The following PDE4A variants were observed in gnomAD, a reference collection of about 807,000 sequenced individuals.
PDE4A encodes 3',5'-cyclic-AMP phosphodiesterase 4A.
In PDE4A, 21 loss-of-function variants were observed where a neutral mutation model predicts 73.9. That is an observed-to-expected ratio of 0.28 (90% CI 0.20 to 0.41). The LOEUF (loss-of-function observed/expected upper bound fraction) is 0.41, where lower values mean the gene tolerates loss of function less well. PDE4A is among the 10% of genes least tolerant of loss of function. PDE4A has a pLI of 1.00. For missense variants in PDE4A, 958 were observed against 1,211.4 expected, an observed-to-expected ratio of 0.79 and a Z score of 3.10; for synonymous variants, 463 against 505.4, an observed-to-expected ratio of 0.92 and a Z score of 1.13.
chr19:10,420,454 C>A, upstream of PDE4A: 1 of 175,250 alleles, frequency 5.7e-6, no homozygotes, highest in Non-Finnish European at 8.0e-6. This position sits in a 1 kb window ranked among gnomAD's most constrained non-coding sequence, Gnocchi z 6.0. Flanking sequence ...CCGCGGCGGG[C>A]GGGGGGCGGG....
At chr19:10,466,615 C>T (rs942248137) in intron 14 of PDE4A, among the ~76,000 whole-genome samples, 1 of 151,842 alleles carries the variant, frequency 6.6e-6, no homozygotes, top group Non-Finnish European at 1.5e-5. Context: ...CTGTCTCAGC[C>T]TCCCAAGTAG....
Position 10,463,938 on chromosome 19 carries a change from T to C in PDE4A, c.1889T>C (p.Met630Thr), listed in dbSNP as rs1300151585. ...GAGCGTGGCATGGAAATCAGCCCCATGTGTGACAAGCACACTGCCTCCGTG... is the reference window on the plus strand; with the variant it reads ...GAGCGTGGCATGGAAATCAGCCCCACGTGTGACAAGCACACTGCCTCCGTG... ...ERERGMEISP[M>T]CDKHTASVEK... is the part of the protein sequence containing the mutation. The change falls in exon 14 of 15, where the codon ATG becomes ACG. Residue 630 changes from methionine (M) to threonine (T), a missense_variant. Transcript: ENST00000380702. 6.2e-7 allele frequency: 1 copy of C among 1,614,054 alleles called. No homozygotes were observed.
rs1460214233 is a variant in PDE4A, at chr19:10,469,400, C to G, written c.*1779C>G. ...TCACCGCTGTTGTTTTATGGGAAGT[C>G]GTGTCATCCTAGGGGTTGGGGCTGG... On this transcript the variant is annotated 3_prime_UTR_variant, in exon 15 of 15. Transcript: ENST00000380702. The G allele has an allele frequency of 1.3e-5, 2 of 152,258 alleles. No individual in the cohort carries two copies. Among genetic ancestry groups the G allele is most frequent in the Non-Finnish European group, 2.9e-5 (2 of 68,082 alleles). 9.4% of individuals were successfully genotyped at this position (152,258 alleles called of 1,614,324 possible). A position where few individuals can be genotyped will look rare whatever the true frequency, so the allele number is the denominator to read the frequency against.
rs545207308 is a variant in PDE4A at position 10,446,243 on chromosome 19, C to T, written c.346C>T (p.Pro116Ser). Residue 116 changes from proline to serine, a missense_variant, in exon 2 of 15, where the codon CCA (proline) becomes TCA (serine). Around this residue, in one of 3 missense-constraint regions of PDE4A, gnomAD observed 570 missense variants for 827.7 expected, o/e 0.69. Coordinates refer to ENST00000380702, the MANE Select transcript of PDE4A (RefSeq NM_001111307.2). ...CTTCGAGGCAGAGAATGGGCCGACA[C>T]CATCTCCTGGCCGCAGCCCCCTGGA... ...RRFEAENGPT[P>S]SPGRSPLDSQ... 6.3e-7 allele frequency: 1 copy of T among 1,586,954 alleles called. No homozygotes were observed. The highest frequency in any genetic ancestry group is 8.6e-7 in the Non-Finnish European group (1 of 1,167,154).
chr19:10,466,481 T>A (rs2043374040), intron 14 of PDE4A, among the ~76,000 whole-genome samples: 1 of 140,112 alleles, frequency 7.1e-6, no homozygotes, highest in African/African-American at 2.7e-5. Flanking sequence ...GTGTGTAAAC[T>A]GCATCAATGT....
At chr19:10,450,534 A>T in intron 4 of PDE4A, 69 bp from the exon 5 acceptor site, 2 of 1,527,886 alleles carry the variant, frequency 1.3e-6, no homozygotes, top group Non-Finnish European at 1.8e-6. Flanking sequence ...CTGTTCATGA[A>T]AGCGGGAGGC....
intron 1 of PDE4A, among the ~76,000 whole-genome samples, chr19:10,440,313 CTGA>C (rs1172711124): frequency 5.9e-5 from 9 of 151,962 alleles, no homozygotes. Context: ...TTGCGTTTCC[CTGA>C]TGAGTGATGT....
intron 10 of PDE4A, among the ~76,000 whole-genome samples, chr19:10,460,510 A>G (rs1426404412): frequency 6.6e-6 from 1 of 151,550 alleles, no homozygotes. Flanking sequence ...AAAAAAATAA[A>G]ATAAAAATTG....
At chr19:10,416,843 C>CT, upstream of PDE4A, 1 of 1,533,002 alleles carries the variant, frequency 6.5e-7, no homozygotes. Flanking sequence ...AGGGGGAGCC[C>CT]TGGGGCACTG....
chr19:10,441,681 G>GTTTT (rs1200442230), intron 1 of PDE4A, among the ~76,000 whole-genome samples: 45 of 131,780 alleles, frequency 3.4e-4, no homozygotes, highest in East Asian at 2.3e-3. Flanking sequence ...GTCATTTTGA[G>GTTTT]TTATTTTTTT....
chr19:10,461,672 A>G lies in PDE4A; in HGVS notation c.1612A>G (p.Ile538Val). The change falls in exon 12 of 15, where the codon ATC becomes GTC. Residue 538 changes from isoleucine (I) to valine (V), a missense_variant. Ile to Val is a conservative substitution (Grantham distance 29). This residue lies in a region of PDE4A where 570 missense variants were observed against 827.7 expected (regional missense o/e 0.69). Coordinates refer to ENST00000380702, the MANE Select transcript of PDE4A (RefSeq NM_001111307.2). ...GCGGCAGAGCCTACGCAAGATGGTC[A>G]TCGACATGGTGGGCGGGGCTGGGGC... ...RQRQSLRKMV[I>V]DMVLATDMSK... 7.2e-7 allele frequency: 1 copy of G among 1,398,346 alleles called. No individual in the cohort carries two copies. Among genetic ancestry groups the G allele is most frequent in the Non-Finnish European group, 9.7e-7 (1 of 1,029,898 alleles). 86.6% of individuals were successfully genotyped at this position (1,398,346 alleles called of 1,614,324 possible).
intron 1 of PDE4A, among the ~76,000 whole-genome samples, chr19:10,432,040 G>A (rs2042795738): frequency 6.6e-6 from 1 of 151,882 alleles, no homozygotes; most frequent in African/African-American, 2.4e-5. Context: ...TCAGCGATCA[G>A]AGACCTCGAG....
intron 12 of PDE4A, 26 bp downstream of exon 12, chr19:10,461,706 G>A: frequency 6.2e-7 from 1 of 1,611,472 alleles, no homozygotes; most frequent in South Asian, 1.1e-5. Context: ...GCGGGACGGA[G>A]CGGGAAAGGA....
chr19:10,428,996 T>C lies in PDE4A; in HGVS notation c.320+7912T>C, dbSNP rs528419288. 9.5e-4 allele frequency: 488 copies of C among 511,030 alleles called. 1 individual carries two copies. Among genetic ancestry groups the C allele is most frequent in the Non-Finnish European group, 1.2e-3 (470 of 397,614 alleles). 31.7% of individuals were successfully genotyped at this position (511,030 alleles called of 1,614,324 possible). ...GGCACATGCCTGTAATCCCAGCTAC[T>C]TGGGAGGCTGAGGCACGAGAATCCT... On this transcript the variant is annotated intron_variant, in intron 1 of 14. Coordinates refer to ENST00000380702, the MANE Select transcript of PDE4A (RefSeq NM_001111307.2).
chr19:10,426,760 G>A (rs1353156912), intron 1 of PDE4A, among the ~76,000 whole-genome samples: 5 of 151,892 alleles, frequency 3.3e-5, no homozygotes, highest in Admixed American at 1.3e-4. Context: ...AGCTACTTGG[G>A]AGGCTGAGGT....
intron 11 of PDE4A, 117 bp from the exon 12 acceptor site, chr19:10,461,409 G>A: frequency 6.5e-7 from 1 of 1,534,552 alleles, no homozygotes; most frequent in Non-Finnish European, 8.7e-7. Flanking sequence ...AGCTGACTGG[G>A]CTGGAGGCGA....
intron 11 of PDE4A, 139 bp from the exon 12 acceptor site, chr19:10,461,387 G>A: frequency 6.8e-7 from 1 of 1,477,860 alleles, no homozygotes; most frequent in Non-Finnish European, 8.9e-7. Context: ...GGGGATGGCC[G>A]GGCTGGGGTA....
chr19:10,423,167 T>TCTC, intron 1 of PDE4A: 3 of 976,132 alleles, frequency 3.1e-6, no homozygotes, highest in Non-Finnish European at 3.6e-6. Context: ...CTTTTTTTTT[T>TCTC]TTTTTTTTTT....
intron 1 of PDE4A, among the ~76,000 whole-genome samples, chr19:10,440,819 C>T (rs1226860080): frequency 3.3e-5 from 5 of 151,694 alleles, no homozygotes; most frequent in African/African-American, 7.3e-5. Context: ...AGGATGGGCT[C>T]GATCTCCTGA....
Sources: gnomAD v4.1 joint callset for allele counts (sites outside exome capture counted in the v4.1 genomes callset) on GRCh38, gnomAD v4.1.1 for gene constraint, gnomAD v4.1.1 regional missense constraint, Gnocchi (gnomAD v3.1) non-coding constraint, MANE v1.5 for transcripts, NCBI Gene and HGNC (gene_info 2026-07-23, HGNC 2026-07-21) for gene names.